The following SLC17A8 variants were observed in gnomAD, a reference collection of about 807,000 sequenced individuals.
SLC17A8 encodes vesicular glutamate transporter 3.
SLC17A8 carries 31 observed loss-of-function variants against 58.0 expected under a neutral mutation model. That is an observed-to-expected ratio of 0.53 (90% CI 0.40 to 0.72). The LOEUF (loss-of-function observed/expected upper bound fraction) is 0.72, where lower values mean the gene tolerates loss of function less well. Among genes scored for constraint, SLC17A8 ranks in the 30% least tolerant of loss-of-function variants. The pLI is 0.00. For missense variants in SLC17A8, 655 were observed against 727.8 expected, an observed-to-expected ratio of 0.90 and a Z score of 1.15; for synonymous variants, 228 against 249.0, an observed-to-expected ratio of 0.92 and a Z score of 0.79.
chr12:100,411,846 G>C (rs1156951524), intron 9 of SLC17A8, among the ~76,000 whole-genome samples: 1 of 142,820 alleles, frequency 7.0e-6, no homozygotes, highest in South Asian at 2.2e-4. Context: ...TGTATTGTTT[G>C]TTTTTTTTTT....
At chr12:100,383,731 G>A (rs1452199747) in intron 2 of SLC17A8, among the ~76,000 whole-genome samples, 8 of 149,476 alleles carry the variant, frequency 5.4e-5, no homozygotes, top group Non-Finnish European at 8.9e-5. Flanking sequence ...TTTTTGAAAC[G>A]GGATCTCTGT....
At chr12:100,401,900 A>G (rs1266748866) in intron 6 of SLC17A8, 37 bp downstream of exon 6, 1 of 1,524,492 alleles carries the variant, frequency 6.6e-7, no homozygotes, top group South Asian at 1.1e-5. Context: ...CATGTGACTC[A>G]TAGAGATGGT....
intron 9 of SLC17A8, among the ~76,000 whole-genome samples, chr12:100,407,256 TTAAA>T (rs1365846007): frequency 4.6e-5 from 7 of 152,328 alleles, no homozygotes; most frequent in African/African-American, 1.7e-4. Context: ...ACTGGCAACT[TTAAA>T]TAAGTTTCTG....
At position 100,420,241 on chromosome 12, in the gene SLC17A8, G is replaced by C; in HGVS notation, c.*82G>C. On this transcript the variant is annotated 3_prime_UTR_variant, in exon 12 of 12. Coordinates refer to ENST00000323346, the MANE Select transcript of SLC17A8 (RefSeq NM_139319.3). ...TATTGCCTTTCTTGTAGCCCAGCTT[G>C]CCAGAGGTCCAAATATTGGGAGGGG... The C allele has an allele frequency of 1.3e-5, 15 of 1,131,464 alleles. No individual in the cohort carries two copies. Among genetic ancestry groups the C allele is most frequent in the Non-Finnish European group, 1.8e-5 (14 of 774,226 alleles). 70.1% of individuals were successfully genotyped at this position (1,131,464 alleles called of 1,614,324 possible).
At chr12:100,401,083 C>T (rs968810579) in intron 5 of SLC17A8, among the ~76,000 whole-genome samples, 9 of 149,154 alleles carry the variant, frequency 6.0e-5, no homozygotes, top group Admixed American at 4.7e-4. Context: ...CTGCAACCTC[C>T]GCCTCACGGG....
intron 2 of SLC17A8, among the ~76,000 whole-genome samples, chr12:100,388,529 G>A (rs56173333): frequency 0.023 from 3,476 of 152,252 alleles, 67 homozygotes; most frequent in African/African-American, 0.038. Flanking sequence ...TTTCTAATCC[G>A]TAAAATGAGA....
At chr12:100,389,446 G>A (rs574434359) in intron 2 of SLC17A8, among the ~76,000 whole-genome samples, 6 of 151,966 alleles carry the variant, frequency 3.9e-5, no homozygotes, top group Non-Finnish European at 8.8e-5. Context: ...TCACAAAACT[G>A]GCATCTGAAT....
At chr12:100,382,161 A>C (rs751997786) in intron 2 of SLC17A8, among the ~76,000 whole-genome samples, 1 of 152,226 alleles carries the variant, frequency 6.6e-6, no homozygotes, top group Non-Finnish European at 1.5e-5. Context: ...CGAAGTAAAT[A>C]GGGGGCTGAT....
At chr12:100,412,608 A>C (rs575483277) in intron 9 of SLC17A8, among the ~76,000 whole-genome samples, 162 bp from the exon 10 acceptor site, 5 of 151,824 alleles carry the variant, frequency 3.3e-5, no homozygotes, top group African/African-American at 4.8e-5. Context: ...AAAAAAAAAA[A>C]AAACTTAAAT....
At chr12:100,388,006 T>C (rs1399269858) in intron 2 of SLC17A8, among the ~76,000 whole-genome samples, 1 of 152,158 alleles carries the variant, frequency 6.6e-6, no homozygotes, top group Non-Finnish European at 1.5e-5. Context: ...TTGTAACCTC[T>C]CTTGCATTAA....
At chr12:100,412,525 T>C (rs760929871) in intron 9 of SLC17A8, among the ~76,000 whole-genome samples, 1 of 150,328 alleles carries the variant, frequency 6.7e-6, no homozygotes, top group South Asian at 2.1e-4. Context: ...CATGTATACC[T>C]ATGTAATAAA....
At chr12:100,376,381 C>A (rs115916740) in intron 1 of SLC17A8, among the ~76,000 whole-genome samples, 1 of 152,062 alleles carries the variant, frequency 6.6e-6, no homozygotes, top group Non-Finnish European at 1.5e-5. Context: ...ATGATGGCTG[C>A]GCAAGGACTA....
At chr12:100,376,473 G>C (rs1297154449) in intron 1 of SLC17A8, among the ~76,000 whole-genome samples, 1 of 152,188 alleles carries the variant, frequency 6.6e-6, no homozygotes, top group African/African-American at 2.4e-5. Flanking sequence ...GAACACACAG[G>C]AAAGTGGTCC....
At chr12:100,370,438 C>T (rs1952551114) in intron 1 of SLC17A8, among the ~76,000 whole-genome samples, 1 of 151,890 alleles carries the variant, frequency 6.6e-6, no homozygotes, top group African/African-American at 2.4e-5. Flanking sequence ...GCTGGGATTA[C>T]AGGCATGCAC....
At position 100,419,762 on chromosome 12, in the gene SLC17A8, G is replaced by A. The variant is rs1952933997; in HGVS notation, c.1426-53G>A. 3.2e-6 allele frequency: 5 copies of A among 1,565,046 alleles called. No homozygotes were observed. In the South Asian group the frequency reaches 3.3e-5, roughly 10 times the overall value. ...CAGTGGAGGCCTCCAGGACATACTG[G>A]TAATCTCTAGTTTTAGTTAAAACAT... On this transcript the variant is annotated intron_variant, in intron 11 of 11. Coordinates refer to ENST00000323346, the MANE Select transcript of SLC17A8 (RefSeq NM_139319.3).
intron 1 of SLC17A8, among the ~76,000 whole-genome samples, chr12:100,360,215 A>G (rs1252600244): frequency 6.6e-6 from 1 of 152,264 alleles, no homozygotes; most frequent in Non-Finnish European, 1.5e-5. Context: ...GCACTCATTT[A>G]TAGTTTAGTA....
At chr12:100,388,894 A>C (rs369873624) in intron 2 of SLC17A8, among the ~76,000 whole-genome samples, 8 of 152,228 alleles carry the variant, frequency 5.3e-5, no homozygotes, top group African/African-American at 7.2e-5. Flanking sequence ...TAAGACTATA[A>C]GTCAAACAGG....
intron 1 of SLC17A8, among the ~76,000 whole-genome samples, chr12:100,363,321 T>C (rs1316511161): frequency 1.3e-5 from 2 of 152,200 alleles, no homozygotes; most frequent in Non-Finnish European, 2.9e-5. Flanking sequence ...TTCTTTGACC[T>C]GTGTGTTCTG....
intron 4 of SLC17A8, among the ~76,000 whole-genome samples, chr12:100,394,263 G>A (rs1952736536): frequency 6.6e-6 from 1 of 151,984 alleles, no homozygotes; most frequent in African/African-American, 2.4e-5. Flanking sequence ...TTATGCCCAT[G>A]TACAACTTGT....
Sources: allele counts gnomAD v4.1 joint callset (sites outside exome capture counted in the v4.1 genomes callset), GRCh38; gene constraint gnomAD v4.1.1; transcripts MANE v1.5; gene names NCBI Gene and HGNC (gene_info 2026-07-23, HGNC 2026-07-21).